Variants in MGA observed in about 807,000 individuals in gnomAD.
MGA encodes the protein MAX dimerization protein MGA, also known as MAX gene-associated protein.
A neutral mutation model predicts 261.1 loss-of-function variants in MGA; 40 were observed. That is an observed-to-expected ratio of 0.15 (90% CI 0.12 to 0.20). The LOEUF (loss-of-function observed/expected upper bound fraction) is 0.20, where lower values mean the gene tolerates loss of function less well. Ranked by LOEUF, MGA falls within the 10% of genes least tolerant of loss-of-function variation. The pLI is 1.00. For synonymous variants in MGA, 1,302 were observed against 1,290.6 expected, an observed-to-expected ratio of 1.01 and a Z score of -0.19; for missense variants, 3,397 against 3,630.5, an observed-to-expected ratio of 0.94 and a Z score of 1.65.
intron 2 of MGA, among the ~76,000 whole-genome samples, chr15:41,676,903 A>G (rs571580637): frequency 1.5e-4 from 23 of 152,210 alleles, no homozygotes; most frequent in Non-Finnish European, 2.1e-4. Context: ...TCCCCACTGC[A>G]TAACATCTAC....
chr15:41,736,082 C>G (rs145020691), intron 12 of MGA, 99 bp from the exon 13 acceptor site: 15 of 1,059,718 alleles, frequency 1.4e-5, no homozygotes, highest in Non-Finnish European at 1.8e-5. Flanking sequence ...TGTGAAAGAA[C>G]GTGAGAATGT....
intron 2 of MGA, among the ~76,000 whole-genome samples, chr15:41,687,314 T>A (rs1340720104): frequency 2.0e-5 from 3 of 152,126 alleles, no homozygotes; most frequent in East Asian, 1.9e-4. Context: ...GGAAAAAAAA[T>A]AGTTATTTGT....
chr15:41,662,031 T>C (rs2057440026), intron 1 of MGA, among the ~76,000 whole-genome samples: 1 of 151,876 alleles, frequency 6.6e-6, no homozygotes, highest in South Asian at 2.1e-4. Context: ...GGGTCATTAA[T>C]AGTCGACGGC....
At chr15:41,637,973 C>T (rs1460758135) in intron 1 of MGA, among the ~76,000 whole-genome samples, 2 of 148,558 alleles carry the variant, frequency 1.3e-5, no homozygotes, top group Non-Finnish European at 3.0e-5. Context: ...CTCAGGTGGT[C>T]CACCGCCTCG....
chr15:41,660,933 AC>A (rs918993062), intron 1 of MGA, among the ~76,000 whole-genome samples: 22 of 152,278 alleles, frequency 1.4e-4, no homozygotes, highest in African/African-American at 5.3e-4. Flanking sequence ...AGCCACGCTT[AC>A]GCGCTTTTCA....
At chr15:41,635,590 G>A (rs1404991257) in intron 1 of MGA, among the ~76,000 whole-genome samples, 1 of 152,030 alleles carries the variant, frequency 6.6e-6, no homozygotes, top group Non-Finnish European at 1.5e-5. Context: ...CAGGTACGTG[G>A]GAGGCTGAGG....
At chr15:41,757,764 C>T (rs1426515637) in intron 18 of MGA, 24 bp from the exon 19 acceptor site, 3 of 1,591,730 alleles carry the variant, frequency 1.9e-6, no homozygotes, top group Non-Finnish European at 1.7e-6. Flanking sequence ...CAGTAAGACA[C>T]TGAAAAATCC....
chr15:41,622,500 C>G (rs2056329069), intron 1 of MGA, among the ~76,000 whole-genome samples: 1 of 152,150 alleles, frequency 6.6e-6, no homozygotes, highest in African/African-American at 2.4e-5. Context: ...GTCTGTCTAT[C>G]TTTATCATTC....
At chr15:41,715,289 A>G (rs1056863491) in intron 9 of MGA, among the ~76,000 whole-genome samples, 3 of 151,830 alleles carry the variant, frequency 2.0e-5, no homozygotes, top group Non-Finnish European at 2.9e-5. Flanking sequence ...AGCTGGGACT[A>G]CAGGCATGCA....
In MGA at chr15:41,736,690, C is replaced by A; in HGVS notation, c.4426C>A (p.Leu1476Ile). ...TAAACCCAGTTCAAGTACATCTGGG[C>A]TTATCCAGGTGAGAATTATCTTTAA... Residue 1476 changes from leucine to isoleucine, a missense_variant, in exon 13 of 24, where the codon CTT becomes ATT. This residue lies in a region of MGA where 1,410 missense variants were observed against 1,386.4 expected (regional missense o/e 1.02). Coordinates refer to ENST00000219905, the MANE Select transcript of MGA (RefSeq NM_001164273.2). 1 of 1,603,802 alleles carries A rather than the reference C, an allele frequency of 6.2e-7. No homozygotes were observed. The highest frequency in any genetic ancestry group is 8.5e-7 in the Non-Finnish European group (1 of 1,175,340).
intron 1 of MGA, among the ~76,000 whole-genome samples, chr15:41,622,488 A>T (rs1039030312): frequency 6.6e-6 from 1 of 152,140 alleles, no homozygotes; most frequent in East Asian, 1.9e-4. Context: ...TATTCTGGGC[A>T]TGTCTGTCTA....
At chr15:41,652,382 CT>C (rs2057085887) in intron 1 of MGA, among the ~76,000 whole-genome samples, 2 of 149,558 alleles carry the variant, frequency 1.3e-5, no homozygotes, top group South Asian at 4.3e-4. Context: ...CTCCCCTCTC[CT>C]TTCCCCGCCT....
chr15:41,633,828 C>T (rs1327472091), intron 1 of MGA, among the ~76,000 whole-genome samples: 4 of 152,292 alleles, frequency 2.6e-5, no homozygotes, highest in African/African-American at 9.6e-5. Context: ...CTTACAGTGA[C>T]TTCCTATTTC....
upstream of MGA, among the ~76,000 whole-genome samples, chr15:41,655,877 C>A (rs1261924320): frequency 6.6e-6 from 1 of 152,164 alleles, no homozygotes; most frequent in Non-Finnish European, 1.5e-5. Flanking sequence ...TGTATTACGA[C>A]CCTGTTTTCC....
At chr15:41,752,362 G>C (rs1000981545) in intron 17 of MGA, 16 of 152,100 alleles carry the variant, frequency 1.1e-4, no homozygotes, top group African/African-American at 3.9e-4. Flanking sequence ...TCTCTCCATA[G>C]CCTAATCTTT....
In MGA at chr15:41,727,388, T is replaced by C. The variant is rs776074419; in HGVS notation, c.3639T>C (p.Thr1213=). The change falls in exon 10 of 24, where the codon ACT becomes ACC. Residue 1213 remains threonine (T), a synonymous_variant. Transcript: ENST00000219905. ...GAATTAAATCTCCACGGTCATATAC[T>C]CCCAAACCCAATCCTGTGGTAAGTC... 2 of 1,613,450 alleles carry C rather than the reference T, an allele frequency of 1.2e-6. No homozygotes were observed. Among genetic ancestry groups the C allele is most frequent in the Admixed American group, 3.3e-5 (2 of 59,912 alleles).
In MGA at chr15:41,713,294, C is replaced by T; in HGVS notation, c.3228C>T (p.Cys1076=). Residue 1076 remains cysteine (C), a synonymous_variant, in exon 9 of 24, where the codon TGC becomes TGT. Coordinates refer to ENST00000219905, the MANE Select transcript of MGA (RefSeq NM_001164273.2). ...CTGCTCACTGCCGCCGACCAGACTG[C>T]ATGTTTGGTTGTACTTGTTTGAAAA... 6.2e-7 allele frequency: 1 copy of T among 1,613,932 alleles called. No individual in the cohort carries two copies. The highest frequency in any genetic ancestry group is 1.1e-5 in the South Asian group (1 of 91,082).
At chr15:41,689,707 A>G (rs1255729917) in intron 2 of MGA, among the ~76,000 whole-genome samples, 1 of 151,758 alleles carries the variant, frequency 6.6e-6, no homozygotes, top group Non-Finnish European at 1.5e-5. Context: ...CTGGGACTAC[A>G]GGTATGCACC....
At chr15:41,754,975 A>G (rs2178003) in intron 18 of MGA, among the ~76,000 whole-genome samples, 34,955 of 152,160 alleles carry the variant, frequency 0.23, 4,846 homozygotes, top group Middle Eastern at 0.42. Flanking sequence ...GGACTACTCA[A>G]CAAAGGTTAG....
Sources: allele counts gnomAD v4.1 joint callset (sites outside exome capture counted in the v4.1 genomes callset), GRCh38; gene constraint gnomAD v4.1.1; regional missense constraint gnomAD v4.1.1; transcripts MANE v1.5; gene names NCBI Gene and HGNC (gene_info 2026-07-23, HGNC 2026-07-21).